The following HPS5 variants were observed in gnomAD, a reference collection of about 807,000 sequenced individuals.
HPS5 encodes BLOC-2 complex member HPS5.
A neutral mutation model predicts 128.0 loss-of-function variants in HPS5; 83 were observed. That is an observed-to-expected ratio of 0.65 (90% CI 0.54 to 0.78). The LOEUF (loss-of-function observed/expected upper bound fraction) is 0.78. HPS5 is among the 30% of genes least tolerant of loss of function. The pLI is 0.00. For synonymous variants in HPS5, 475 were observed against 470.2 expected, an observed-to-expected ratio of 1.01 and a Z score of -0.13; for missense variants, 1,281 against 1,326.2, an observed-to-expected ratio of 0.97 and a Z score of 0.53.
chr11:18,286,910 G>C, intron 18 of HPS5, 200 bp from the exon 19 acceptor site: 2 of 496,556 alleles, frequency 4.0e-6, no homozygotes, highest in Admixed American at 3.7e-5. Flanking sequence ...GGCCAAAAAA[G>C]AAAAAAAAAA....
Position 18,287,989 on chromosome 11 carries a change from T to G in HPS5, c.2465A>C (p.Tyr822Ser). Residue 822 changes from tyrosine to serine, a missense_variant, in exon 17 of 23, where the codon TAT becomes TCT. By Grantham distance (144) the Tyr-to-Ser change is moderately radical. Coordinates refer to ENST00000349215, the MANE Select transcript of HPS5 (RefSeq NM_181507.2). ...TAGATCTCCTTTTTCCATCTCCATA[T>G]ACACAGGATTGGAACTTGCCATTTC... ...LKEMASSNPV[Y>S]MEMEKGDLPT... The G allele has an allele frequency of 1.2e-6, 2 of 1,613,846 alleles. No homozygotes were observed. The highest frequency in any genetic ancestry group is 2.2e-5 in the South Asian group (2 of 91,076).
intron 3 of HPS5, 72 bp from the exon 4 acceptor site, chr11:18,311,523 T>TTC: frequency 1.1e-6 from 1 of 908,296 alleles, no homozygotes; most frequent in Non-Finnish European, 1.6e-6. Flanking sequence ...TTTTTTTTTT[T>TTC]TTTTTGAGAC....
chr11:18,280,466 A>C, intron 22 of HPS5: 1 of 654,402 alleles, frequency 1.5e-6, no homozygotes, highest in South Asian at 1.7e-5. Flanking sequence ...CAGTCTCTAC[A>C]GAACAGTATG....
In HPS5 at chr11:18,296,829, T is replaced by G. The variant is rs886048081; in HGVS notation, c.1479A>C (p.Pro493=). The change falls in exon 12 of 23, where the codon CCA becomes CCC. Residue 493 remains proline (P), a synonymous_variant. Coordinates refer to ENST00000349215, the MANE Select transcript of HPS5 (RefSeq NM_181507.2). The part of the protein sequence containing the change: ...EFTSQQEEDL[P]DQCCGSHGNE... ...TTCCGTGTGAGCCACAACACTGATCTGGCAGGTCCTCTTCCTGCTGTGAGG... is the reference window on the plus strand; with the variant it reads ...TTCCGTGTGAGCCACAACACTGATCGGGCAGGTCCTCTTCCTGCTGTGAGG... 1.2e-6 allele frequency: 2 copies of G among 1,614,176 alleles called. No homozygotes were observed. The highest frequency in any genetic ancestry group is 2.2e-5 in the South Asian group (2 of 91,082).
intron 16 of HPS5, 61 bp from the exon 17 acceptor site, chr11:18,288,074 T>G: frequency 7.6e-6 from 12 of 1,585,434 alleles, no homozygotes; most frequent in Non-Finnish European, 1.0e-5. Context: ...ATTCAATTTA[T>G]GAACATGTTC....
At position 18,298,785 on chromosome 11, in the gene HPS5, G is replaced by C; in HGVS notation, c.1164+7C>G. 1 of 1,613,736 alleles carries C rather than the reference G, an allele frequency of 6.2e-7. No homozygotes were observed. On this transcript the variant is annotated splice_region_variant and intron_variant, in intron 10 of 22. Transcript: ENST00000349215. ...TGGTAAAGATGTCTAGGTAAGCTCT[G>C]ACTCACTCTGCTGGCAATGACAGAA...
intron 1 of HPS5, among the ~76,000 whole-genome samples, chr11:18,319,931 C>T (rs1274051303): frequency 1.3e-5 from 2 of 151,854 alleles, no homozygotes; most frequent in Non-Finnish European, 2.9e-5. Context: ...GTACAGGATC[C>T]AAGAGATGGA....
chr11:18,282,983 G>C (rs1232074259), intron 21 of HPS5, among the ~76,000 whole-genome samples: 1 of 152,132 alleles, frequency 6.6e-6, no homozygotes, highest in Non-Finnish European at 1.5e-5. Flanking sequence ...GAAAGAACTT[G>C]ACGAATTCAA....
At position 18,302,504 on chromosome 11, in the gene HPS5, C is replaced by T. The variant is rs1165855304; in HGVS notation, c.897-1588G>A. Among the ~76,000 whole-genome samples the T allele has an allele frequency of 3.3e-5, 5 of 152,154 alleles. No individual in the cohort carries two copies. The East Asian group carries it at 9.6e-4, about 29-fold the overall frequency. On this transcript the variant is annotated intron_variant, in intron 8 of 22. Coordinates refer to ENST00000349215, the MANE Select transcript of HPS5 (RefSeq NM_181507.2). ...ATCTACTGCACTGTCACAACTCTTA[C>T]TTCTTATTGTTGTTAAACTTTTTGG...
intron 8 of HPS5, among the ~76,000 whole-genome samples, chr11:18,303,444 T>C (rs1427748797): frequency 6.6e-6 from 1 of 152,230 alleles, no homozygotes; most frequent in Non-Finnish European, 1.5e-5. Flanking sequence ...GCGTTAATTG[T>C]TGCTTTAGCT....
At chr11:18,306,450 C>T in intron 6 of HPS5, 103 bp from the exon 7 acceptor site, 1 of 721,606 alleles carries the variant, frequency 1.4e-6, no homozygotes, top group South Asian at 1.6e-5. Context: ...CTCACAATGC[C>T]TTCTCCTTCA....
At chr11:18,309,217 G>GT (rs1862696215) in intron 5 of HPS5, 138 bp from the exon 6 acceptor site, 2 of 808,086 alleles carry the variant, frequency 2.5e-6, no homozygotes, top group Non-Finnish European at 2.0e-6. Context: ...TAATTTGCTT[G>GT]TAAGGATATC....
intron 16 of HPS5, among the ~76,000 whole-genome samples, chr11:18,289,160 A>G (rs1464777594): frequency 6.6e-6 from 1 of 152,218 alleles, no homozygotes; most frequent in East Asian, 1.9e-4. Flanking sequence ...CTAAGAGCCA[A>G]CATTCATTTT....
chr11:18,310,506 T>C (rs188746731), intron 5 of HPS5, among the ~76,000 whole-genome samples: 43 of 152,296 alleles, frequency 2.8e-4, no homozygotes, highest in African/African-American at 1.0e-3. Flanking sequence ...AGGACTGCAA[T>C]AGATAATGTG....
chr11:18,291,123 C>T (rs1312101470), intron 16 of HPS5, among the ~76,000 whole-genome samples: 1 of 152,110 alleles, frequency 6.6e-6, no homozygotes, highest in East Asian at 1.9e-4. Flanking sequence ...GAGGCTGAGG[C>T]AAGACAATCA....
intron 2 of HPS5, among the ~76,000 whole-genome samples, chr11:18,312,765 A>G (rs1476977638): frequency 1.3e-5 from 2 of 152,376 alleles, no homozygotes; most frequent in Admixed American, 1.3e-4. Flanking sequence ...TGAGAACAGT[A>G]AGACTGGAGA....
rs2134205497 is a variant in HPS5 at position 18,282,199 on chromosome 11, T to G, written c.3080A>C (p.Glu1027Ala). Residue 1027 changes from glutamate (E) to alanine (A), a missense_variant, in exon 22 of 23, where the codon GAG becomes GCG. Coordinates refer to ENST00000349215, the MANE Select transcript of HPS5 (RefSeq NM_181507.2). ...GAGATGAAGGAGAAGCTTCCATTCC[T>G]CCACGGTCTCTGGGATCCAACCTAA... is the stretch of plus-strand genomic sequence containing the variant. Reference protein sequence around the residue: ...GDNGWIPETVEEWKLLLHLIQ... With the variant: ...GDNGWIPETVAEWKLLLHLIQ... 2 of 1,614,186 alleles carry G rather than the reference T, an allele frequency of 1.2e-6. No homozygotes were observed. The highest frequency in any genetic ancestry group is 1.7e-4 in the Middle Eastern group (1 of 6,036).
intron 9 of HPS5, 80 bp from the exon 10 acceptor site, chr11:18,299,050 A>G: frequency 1.5e-6 from 2 of 1,352,560 alleles, no homozygotes; most frequent in Admixed American, 3.4e-5. Flanking sequence ...AATTATTCTA[A>G]TAAATTCATT....
chr11:18,302,822 CGGG>C (rs1222065101), intron 8 of HPS5, among the ~76,000 whole-genome samples: 2 of 1,600 alleles, frequency 1.3e-3, no homozygotes, highest in Non-Finnish European at 2.5e-3. Context: ...AGAAAAAAAG[CGGG>C]GGGGGGGGGG....
Sources: allele counts gnomAD v4.1 joint callset (sites outside exome capture counted in the v4.1 genomes callset), GRCh38; gene constraint gnomAD v4.1.1; transcripts MANE v1.5; gene names NCBI Gene and HGNC (gene_info 2026-07-23, HGNC 2026-07-21).